Variants in EML5 observed in about 807,000 individuals in gnomAD.
The protein encoded by EML5 is echinoderm microtubule-associated protein-like 5.
Under a neutral mutation model 250.0 loss-of-function variants are expected in EML5, and 120 were observed. The ratio of observed to expected loss-of-function variants is 0.48; its 90% CI spans 0.41 to 0.56. EML5 has a LOEUF of 0.56. Among genes scored for constraint, EML5 ranks in the 20% least tolerant of loss-of-function variants. The pLI, the probability that EML5 is intolerant of heterozygous loss-of-function variation, is 0.00. For missense variants in EML5, 2,006 were observed against 2,437.6 expected (o/e 0.82, Z 3.73); for synonymous variants, 771 against 806.5 (o/e 0.96, Z 0.75).
In EML5 at chr14:88,748,978, GGA is replaced by G. The variant is rs138126512; in HGVS notation, c.358-2697_358-2696del. On this transcript the variant is annotated intron_variant, in intron 2 of 43. Transcript: ENST00000554922. ...CATACAGGTAATCATGGCTCTAGAA[GGA>G]GAGAAAAGACAGAGGAAAAGAAAAA... Among the ~76,000 whole-genome samples the G allele has an allele frequency of 1.1e-4, 17 of 151,436 alleles. No individual in the cohort carries two copies. The East Asian group carries it at 3.3e-3, about 29-fold the overall frequency.
intron 25 of EML5, among the ~76,000 whole-genome samples, chr14:88,659,604 C>T (rs1459276184): frequency 6.6e-6 from 1 of 152,138 alleles, no homozygotes; most frequent in East Asian, 1.9e-4. Flanking sequence ...GTGGTTCTTG[C>T]TACACTAAGG....
chr14:88,757,602 G>A (rs958715874), intron 1 of EML5, among the ~76,000 whole-genome samples: 1 of 151,974 alleles, frequency 6.6e-6, no homozygotes, highest in African/African-American at 2.4e-5. Context: ...AATATATAAA[G>A]AATTCCTACA....
chr14:88,751,894 G>T (rs1320920912), intron 2 of EML5, among the ~76,000 whole-genome samples: 1 of 152,104 alleles, frequency 6.6e-6, no homozygotes, highest in Non-Finnish European at 1.5e-5. Context: ...TGAATTGGAA[G>T]TATCCATAAA....
rs199943269 is a variant in EML5 at position 88,688,405 on chromosome 14, C to A, written c.2608G>T (p.Val870Leu). 2.9e-4 allele frequency: 468 copies of A among 1,613,910 alleles called. No individual in the cohort carries two copies. The highest frequency in any genetic ancestry group is 3.8e-4 in the Non-Finnish European group (448 of 1,179,904). ...LGKNDTMMCA[V>L]YGWTEEMAFS... ...GCCATCTCTTCAGTCCATCCATACA[C>A]TGCACACATCATTGTGTCATTTTTC... is the stretch of plus-strand genomic sequence containing the variant. Residue 870 changes from valine to leucine, a missense_variant, in exon 18 of 44, where the codon GTG becomes TTG. By Grantham distance (32) the Val-to-Leu change is conservative. Coordinates refer to ENST00000554922, the MANE Select transcript of EML5 (RefSeq NM_183387.3).
intron 35 of EML5, chr14:88,626,300 G>C (rs1473184418): frequency 6.5e-6 from 1 of 152,758 alleles, no homozygotes; most frequent in Non-Finnish European, 1.5e-5. Flanking sequence ...GAAGGCTTTT[G>C]AGTATAACAG....
At position 88,618,216 on chromosome 14, in the gene EML5, A is replaced by G. The variant is rs745631079; in HGVS notation, c.5642+12T>C. ...AAGTCAGTTCTTGCCTTGTGAATAT[A>G]TAAGTATTTACCTAGTCCATGTAGC... is the stretch of plus-strand genomic sequence containing the variant. On this transcript the variant is annotated intron_variant, in intron 41 of 43. Transcript: ENST00000554922. 116 of 1,610,892 alleles carry G rather than the reference A, an allele frequency of 7.2e-5. 1 individual carries two copies. In the East Asian group the frequency reaches 9.6e-4, roughly 13 times the overall value.
intron 1 of EML5, among the ~76,000 whole-genome samples, chr14:88,767,621 C>A (rs1037169462): frequency 2.0e-5 from 3 of 152,052 alleles, no homozygotes; most frequent in African/African-American, 4.8e-5. Flanking sequence ...TATTTTTTTG[C>A]ATATGTGTGT....
intron 9 of EML5, among the ~76,000 whole-genome samples, chr14:88,714,301 GA>G (rs2093456396): frequency 6.6e-6 from 1 of 152,176 alleles, no homozygotes; most frequent in Non-Finnish European, 1.5e-5. Flanking sequence ...AATAAAAAGA[GA>G]ATCTGTTTTA....
chr14:88,672,701 G>A (rs7400757), intron 21 of EML5, among the ~76,000 whole-genome samples: 26,657 of 151,958 alleles, frequency 0.18, 2,886 homozygotes, highest in East Asian at 0.47. Context: ...AATGATAAAG[G>A]GGACATCACC....
intron 1 of EML5, among the ~76,000 whole-genome samples, chr14:88,772,533 T>C (rs1687953543): frequency 6.6e-6 from 1 of 152,176 alleles, no homozygotes; most frequent in Admixed American, 6.5e-5. Flanking sequence ...GGCAGGCAGA[T>C]CACGAGGTCA....
intron 1 of EML5, among the ~76,000 whole-genome samples, chr14:88,772,581 G>A (rs1426162025): frequency 3.3e-5 from 5 of 151,978 alleles, no homozygotes; most frequent in Admixed American, 6.6e-5. Context: ...GGTGAAACCC[G>A]TCTCTACTAC....
chr14:88,622,751 A>T, intron 36 of EML5, 33 bp from the exon 37 acceptor site: 7 of 1,457,490 alleles, frequency 4.8e-6, no homozygotes, highest in Non-Finnish European at 5.6e-6. Flanking sequence ...GTAAGTGTTC[A>T]TTATTGGCTA....
chr14:88,670,319 C>CAAAAAA (rs34008480), intron 21 of EML5, among the ~76,000 whole-genome samples: 5 of 81,254 alleles, frequency 6.2e-5, no homozygotes, highest in African/African-American at 1.8e-4. Context: ...GACTCCATCT[C>CAAAAAA]AAAAAAAAAA....
intron 32 of EML5, 36 bp downstream of exon 32, chr14:88,638,773 C>T (rs2090888419): frequency 1.4e-6 from 2 of 1,478,892 alleles, no homozygotes; most frequent in Non-Finnish European, 1.8e-6. Flanking sequence ...AAAGCAAATG[C>T]TTTAAATTGT....
intron 17 of EML5, among the ~76,000 whole-genome samples, chr14:88,691,580 A>C (rs2092960334): frequency 6.6e-6 from 1 of 152,216 alleles, no homozygotes; most frequent in Non-Finnish European, 1.5e-5. Flanking sequence ...CCCTACCATG[A>C]ATAGAGTTCA....
At chr14:88,730,278 C>T (rs1488215335) in intron 7 of EML5, among the ~76,000 whole-genome samples, 1 of 152,082 alleles carries the variant, frequency 6.6e-6, no homozygotes, top group African/African-American at 2.4e-5. Flanking sequence ...TTTTCCAACT[C>T]ACAGGAAAGC....
rs139642730 is a variant in EML5, at chr14:88,657,647, C to T, written c.3878-145G>A. The T allele has an allele frequency of 1.5e-3, 1,011 of 673,080 alleles. 10 individuals carry two copies. In the African/African-American group the frequency reaches 0.017, roughly 12 times the overall value. The allele number at this position is 673,080 out of a possible 1,614,324, so 41.7% of individuals were successfully genotyped here. ...TGAAGTAATATACAACCAGAAAAAA[C>T]GATGTAGAAGAATATTTAATTATAT... On this transcript the variant is annotated intron_variant, in intron 26 of 43. Coordinates refer to ENST00000554922, the MANE Select transcript of EML5 (RefSeq NM_183387.3).
chr14:88,779,674 G>T (rs541736858), intron 1 of EML5, among the ~76,000 whole-genome samples: 1 of 152,238 alleles, frequency 6.6e-6, no homozygotes, highest in African/African-American at 2.4e-5. Context: ...CTGATGTCAA[G>T]ATATTCTAGG....
intron 1 of EML5, among the ~76,000 whole-genome samples, chr14:88,781,644 T>C (rs2140778757): frequency 1.3e-5 from 2 of 152,302 alleles, no homozygotes; most frequent in South Asian, 4.1e-4. Flanking sequence ...TGAATCATGG[T>C]GACGATTACT....
Sources: allele counts gnomAD v4.1 joint callset (sites outside exome capture counted in the v4.1 genomes callset), GRCh38; gene constraint gnomAD v4.1.1; transcripts MANE v1.5; gene names NCBI Gene and HGNC (gene_info 2026-07-23, HGNC 2026-07-21).